The following CPNE4 variants were observed in gnomAD, a reference collection of about 807,000 sequenced individuals.
The protein encoded by CPNE4 is copine 4.
CPNE4 carries 25 observed loss-of-function variants against 67.9 expected under a neutral mutation model. The ratio of observed to expected loss-of-function variants is 0.37; its 90% CI spans 0.27 to 0.51. The LOEUF (loss-of-function observed/expected upper bound fraction) is 0.51, where lower values mean the gene tolerates loss of function less well. Ranked by LOEUF, CPNE4 falls within the 20% of genes least tolerant of loss-of-function variation. The pLI, the probability that CPNE4 is intolerant of heterozygous loss-of-function variation, is 0.93. For missense variants in CPNE4, 464 were observed against 690.8 expected (o/e 0.67, Z 3.68); for synonymous variants, 242 against 244.9 (o/e 0.99, Z 0.11).
intron 1 of CPNE4, among the ~76,000 whole-genome samples, chr3:131,924,221 T>C (rs559687347): frequency 4.6e-5 from 7 of 152,300 alleles, no homozygotes; most frequent in African/African-American, 9.6e-5. Flanking sequence ...TCCTTATTTG[T>C]TTCCTTCCCT....
At chr3:131,676,399 G>T (rs1035016928) in intron 6 of CPNE4, among the ~76,000 whole-genome samples, 1 of 151,986 alleles carries the variant, frequency 6.6e-6, no homozygotes, top group African/African-American at 2.4e-5. Flanking sequence ...AGTTTCAGGG[G>T]TACATATGCA....
intron 1 of CPNE4, among the ~76,000 whole-genome samples, chr3:131,955,428 T>TTTTG (rs2071931026): frequency 7.3e-6 from 1 of 136,422 alleles, no homozygotes; most frequent in African/African-American, 2.8e-5. Context: ...TTTTTTTTTT[T>TTTTG]TTTTTTGTAT....
intron 2 of CPNE4, among the ~76,000 whole-genome samples, chr3:131,798,890 T>C (rs1025860586): frequency 2.0e-5 from 3 of 152,168 alleles, no homozygotes; most frequent in African/African-American, 7.2e-5. Context: ...GAAGCTTTTA[T>C]TTTTCCATCT....
chr3:131,631,498 T>G (rs1246411537), intron 7 of CPNE4, among the ~76,000 whole-genome samples: 1 of 152,252 alleles, frequency 6.6e-6, no homozygotes, highest in Non-Finnish European at 1.5e-5. Flanking sequence ...ATGAAATATT[T>G]AATTTAATGA....
At chr3:131,811,881 C>T (rs2084541249) in intron 2 of CPNE4, among the ~76,000 whole-genome samples, 1 of 152,106 alleles carries the variant, frequency 6.6e-6, no homozygotes, top group Non-Finnish European at 1.5e-5. Context: ...GGTTAGGAAA[C>T]AGTCTCAAAG....
intron 2 of CPNE4, among the ~76,000 whole-genome samples, chr3:131,805,259 T>C (rs1353651419): frequency 6.6e-6 from 1 of 152,206 alleles, no homozygotes; most frequent in Non-Finnish European, 1.5e-5. Flanking sequence ...ATAGCTAGTG[T>C]AAAGTACAAT....
At chr3:131,906,701 C>T (rs1175229186) in intron 1 of CPNE4, among the ~76,000 whole-genome samples, 7 of 151,624 alleles carry the variant, frequency 4.6e-5, no homozygotes, top group Non-Finnish European at 7.4e-5. Flanking sequence ...TGAATAGTGC[C>T]GCAATAAACA....
At chr3:132,005,177 C>T (rs954363565) in intron 1 of CPNE4, among the ~76,000 whole-genome samples, 12 of 151,698 alleles carry the variant, frequency 7.9e-5, no homozygotes, top group African/African-American at 2.9e-4. Flanking sequence ...TCTCTTGAAC[C>T]ACTCATACCA....
chr3:131,904,051 C>T (rs2088651468), intron 2 of CPNE4, among the ~76,000 whole-genome samples: 2 of 152,110 alleles, frequency 1.3e-5, no homozygotes, highest in South Asian at 2.1e-4. Context: ...GGGGGCCCAT[C>T]GCTCTTTGAA....
chr3:131,962,321 A>G (rs1428471604), intron 1 of CPNE4, among the ~76,000 whole-genome samples: 1 of 152,220 alleles, frequency 6.6e-6, no homozygotes. Flanking sequence ...GTTATGTTTC[A>G]GGAACCAGTC....
chr3:131,691,921 G>A (rs539510035), intron 5 of CPNE4, among the ~76,000 whole-genome samples: 1 of 152,176 alleles, frequency 6.6e-6, no homozygotes, highest in Non-Finnish European at 1.5e-5. Flanking sequence ...TAATTGTGTG[G>A]TCACTTTAAT....
intron 1 of CPNE4, among the ~76,000 whole-genome samples, chr3:131,986,647 C>T (rs2073050344): frequency 6.6e-6 from 1 of 151,992 alleles, no homozygotes; most frequent in African/African-American, 2.4e-5. Flanking sequence ...CCTGTAATCC[C>T]AGCACTTTGG....
At chr3:131,848,571 G>T (rs2086095775) in intron 2 of CPNE4, among the ~76,000 whole-genome samples, 1 of 151,640 alleles carries the variant, frequency 6.6e-6, no homozygotes. Context: ...TGCCAGGGAG[G>T]CTTCTAAATT....
intron 2 of CPNE4, among the ~76,000 whole-genome samples, chr3:131,751,541 C>CATTTG (rs58591486): frequency 0.42 from 62,969 of 151,190 alleles, 13,126 homozygotes; most frequent in East Asian, 0.53. Flanking sequence ...ATTTTATTTT[C>CATTTG]TTTTAAGTGT....
intron 7 of CPNE4, among the ~76,000 whole-genome samples, chr3:131,622,496 A>G (rs1940527926): frequency 6.6e-6 from 1 of 152,246 alleles, no homozygotes; most frequent in Non-Finnish European, 1.5e-5. Flanking sequence ...CTTAATAAAC[A>G]TGAACAGATG....
At chr3:131,809,492 G>A (rs76568762) in intron 2 of CPNE4, among the ~76,000 whole-genome samples, 5,613 of 152,042 alleles carry the variant, frequency 0.037, 359 homozygotes, top group African/African-American at 0.13. Context: ...TAACAAGCAA[G>A]AGAAAGTGAA....
At chr3:131,709,094 T>C (rs2081495920) in intron 3 of CPNE4, among the ~76,000 whole-genome samples, 2 of 150,264 alleles carry the variant, frequency 1.3e-5, no homozygotes, top group South Asian at 4.2e-4. Flanking sequence ...ATTACATGAA[T>C]TCTGATATCA....
chr3:131,750,553 A>G (rs922566039), intron 2 of CPNE4, among the ~76,000 whole-genome samples: 7 of 152,156 alleles, frequency 4.6e-5, no homozygotes, highest in African/African-American at 1.7e-4. Context: ...AAGTGACATA[A>G]TGGAAACTTT....
At chr3:131,752,976 T>C (rs1225732604) in intron 2 of CPNE4, among the ~76,000 whole-genome samples, 2 of 151,780 alleles carry the variant, frequency 1.3e-5, no homozygotes, top group Admixed American at 1.3e-4. Context: ...TGAGGAGAAA[T>C]TTCTTTTTCC....
Sources: gnomAD v4.1 joint callset for allele counts (sites outside exome capture counted in the v4.1 genomes callset) on GRCh38, gnomAD v4.1.1 for gene constraint, MANE v1.5 for transcripts, NCBI Gene and HGNC (gene_info 2026-07-23, HGNC 2026-07-21) for gene names.